UGT1A6: variants seen among roughly 807,000 people sequenced by gnomAD.
UGT1A6 encodes UDP-glucuronosyltransferase 1A6.
A neutral mutation model predicts 44.4 loss-of-function variants in UGT1A6; 32 were observed. That is an observed-to-expected ratio of 0.72 (90% CI 0.54 to 0.97). UGT1A6 has a LOEUF of 0.97. Among genes scored for constraint, UGT1A6 ranks in the 50% least tolerant of loss-of-function variants. UGT1A6 has a pLI of 0.00. For missense variants in UGT1A6, 685 were observed against 661.9 expected (o/e 1.03, Z -0.38); for synonymous variants, 238 against 248.5 (o/e 0.96, Z 0.40).
intron 1 of UGT1A6, among the ~76,000 whole-genome samples, chr2:233,699,210 G>GA (rs1003409179): frequency 4.1e-4 from 61 of 150,002 alleles, no homozygotes; most frequent in Admixed American, 1.4e-3. Flanking sequence ...GCTGTTGCAT[G>GA]AAAAAAAAAC....
chr2:233,710,344 G>A (rs1349376826), intron 1 of UGT1A6, among the ~76,000 whole-genome samples: 2 of 152,226 alleles, frequency 1.3e-5, no homozygotes, highest in African/African-American at 2.4e-5. Context: ...CAGTCGAACT[G>A]TTTCCAAAGC....
intron 1 of UGT1A6, chr2:233,755,273 G>GGA: frequency 1.3e-6 from 1 of 755,874 alleles, no homozygotes. Flanking sequence ...CCACTATGCT[G>GGA]GACTGCCAAA....
At chr2:233,752,965 A>C (rs1252890509) in intron 1 of UGT1A6, among the ~76,000 whole-genome samples, 1 of 152,202 alleles carries the variant, frequency 6.6e-6, no homozygotes, top group East Asian at 1.9e-4. Flanking sequence ...GATTTATGTA[A>C]CCAATTGTGT....
intron 1 of UGT1A6, chr2:233,754,615 C>T (rs1360410521): frequency 2.3e-6 from 1 of 438,040 alleles, no homozygotes; most frequent in Non-Finnish European, 4.6e-6. Context: ...TCTCCATCTT[C>T]CTCCACTTCC....
At chr2:233,697,038 T>C (rs772110742) in intron 1 of UGT1A6, among the ~76,000 whole-genome samples, 44 of 151,092 alleles carry the variant, frequency 2.9e-4, no homozygotes, top group Non-Finnish European at 6.2e-4. Context: ...CGCAGTTTTC[T>C]TTTTTTTTGT....
intron 1 of UGT1A6, chr2:233,760,696 A>G (rs1165584842): frequency 6.2e-7 from 1 of 1,614,168 alleles, no homozygotes; most frequent in South Asian, 1.1e-5. Context: ...CAAGGAGCTC[A>G]TGGCCTCCCT....
Position 233,743,942 on chromosome 2 carries a change from G to A in UGT1A6, c.862-23092G>A, listed in dbSNP as rs1297528257. On this transcript the variant is annotated intron_variant, in intron 1 of 4. Coordinates refer to ENST00000305139, the MANE Select transcript of UGT1A6 (RefSeq NM_001072.4). ...GCTGGATGGCCAGAACGGCCCACCA[G>A]GCACTGGCACAGCGAGCGGCAAGGC... 3 of 1,352,602 alleles carry A rather than the reference G, an allele frequency of 2.2e-6. No individual in the cohort carries two copies. The African/African-American group carries it at 4.5e-5, about 20-fold the overall frequency. The allele number at this position is 1,352,602 out of a possible 1,614,324, so 83.8% of individuals were successfully genotyped here.
intron 1 of UGT1A6, among the ~76,000 whole-genome samples, chr2:233,750,971 T>TG (rs1694602658): frequency 6.6e-6 from 1 of 151,624 alleles, no homozygotes; most frequent in South Asian, 2.1e-4. Flanking sequence ...CACTGCCTAG[T>TG]GGAGTTGTGA....
chr2:233,718,719 G>A, intron 1 of UGT1A6: 6 of 1,609,316 alleles, frequency 3.7e-6, no homozygotes, highest in Non-Finnish European at 5.1e-6. Context: ...ATTACATGCT[G>A]ATTTGCTAGG....
At position 233,744,394 on chromosome 2, in the gene UGT1A6, G is replaced by A. The variant is rs528448877; in HGVS notation, c.862-22640G>A. On this transcript the variant is annotated intron_variant, in intron 1 of 4. Coordinates refer to ENST00000305139, the MANE Select transcript of UGT1A6 (RefSeq NM_001072.4). ...TGCAGTTCTCCAACGTTCCAGCCCC[G>A]GTGCCCATTTGCTTTTGTTCATGTG... is the stretch of plus-strand genomic sequence containing the variant. 5.9e-5 allele frequency among the ~76,000 whole-genome samples: 9 copies of A among 151,928 alleles called. No homozygotes were observed. The South Asian group carries it at 6.2e-4, about 11-fold the overall frequency.
chr2:233,719,279 C>T lies in UGT1A6; in HGVS notation c.861+25414C>T, dbSNP rs371816622. On this transcript the variant is annotated intron_variant, in intron 1 of 4. Transcript: ENST00000305139. ...CCTTTGATGTGGTTTTAACAGACCCCGTTAACCTCTGTGGGGCGGTGCTGG... is the reference window on the plus strand; with the variant it reads ...CCTTTGATGTGGTTTTAACAGACCCTGTTAACCTCTGTGGGGCGGTGCTGG... 6.4e-5 allele frequency: 103 copies of T among 1,614,078 alleles called. 1 individual carries two copies. In the African/African-American group the frequency reaches 1.0e-3, roughly 16 times the overall value.
In UGT1A6 at chr2:233,769,673, G is replaced by A; in HGVS notation, c.1301+1234G>A. 1.3e-6 allele frequency: 2 copies of A among 1,580,578 alleles called. No individual in the cohort carries two copies. The highest frequency in any genetic ancestry group is 1.1e-5 in the South Asian group (1 of 86,980). On this transcript the variant is annotated intron_variant, in intron 4 of 4. Transcript: ENST00000305139. The surrounding 1 kb of genome is among the most constrained non-coding windows in gnomAD (Gnocchi z 4.4). ...GACTTCCCACCTTTGAGGTGCTAAT[G>A]TGTGTGTGGTGGCACTGGATAAAAG...
chr2:233,755,186 G>T, intron 1 of UGT1A6: 2 of 1,186,224 alleles, frequency 1.7e-6, no homozygotes, highest in Non-Finnish European at 2.3e-6. Flanking sequence ...GGTGCCACTT[G>T]AGCGCCAGCT....
intron 1 of UGT1A6, among the ~76,000 whole-genome samples, chr2:233,745,694 GAAC>G (rs1198123453): frequency 1.3e-5 from 2 of 150,076 alleles, no homozygotes; most frequent in African/African-American, 2.5e-5. Flanking sequence ...CAAGTTTGGA[GAAC>G]AACAAGTGAT....
At chr2:233,747,222 A>G (rs2125883623) in intron 1 of UGT1A6, 4 of 1,605,292 alleles carry the variant, frequency 2.5e-6, no homozygotes, top group Middle Eastern at 4.1e-4. Flanking sequence ...AGATGGCCAC[A>G]GGACCCCAGG....
intron 1 of UGT1A6, among the ~76,000 whole-genome samples, chr2:233,709,212 T>C (rs1269749554): frequency 6.6e-6 from 1 of 152,132 alleles, no homozygotes; most frequent in Admixed American, 6.5e-5. Context: ...AGAAGTACAT[T>C]TGAGAGTTTG....
rs150934066 is a variant in UGT1A6 at position 233,719,055 on chromosome 2, G to A, written c.861+25190G>A. On this transcript the variant is annotated intron_variant, in intron 1 of 4. Coordinates refer to ENST00000305139, the MANE Select transcript of UGT1A6 (RefSeq NM_001072.4). ...AGAAGAGAAATTTTTCACCCTGACA[G>A]CCTATGCTGTTCCATGGACCCAGAA... 2,523 of 1,614,284 alleles carry A rather than the reference G, an allele frequency of 1.6e-3. 2 individuals carry two copies. Among genetic ancestry groups the A allele is most frequent in the Non-Finnish European group, 1.9e-3 (2,220 of 1,180,048 alleles).
rs116067611 is a variant in UGT1A6 at position 233,693,093 on chromosome 2, T to G, written c.89T>G (p.Leu30Arg). The G allele has an allele frequency of 3.1e-6, 5 of 1,614,220 alleles. No homozygotes were observed. The East Asian group carries it at 1.1e-4, about 36-fold the overall frequency. ...GGCATGGTTGTAGGTGACAAGCTGCTGGTGGTCCCTCAGGACGGAAGCCAC... is the reference window on the plus strand; with the variant it reads ...GGCATGGTTGTAGGTGACAAGCTGCGGGTGGTCCCTCAGGACGGAAGCCAC... ...LWGMVVGDKL[L>R]VVPQDGSHWL... Residue 30 changes from leucine (L) to arginine (R), a missense_variant, in exon 1 of 5, where the codon CTG becomes CGG. Coordinates refer to ENST00000305139, the MANE Select transcript of UGT1A6 (RefSeq NM_001072.4).
chr2:233,734,084 C>T (rs112644087), intron 1 of UGT1A6, among the ~76,000 whole-genome samples: 1 of 151,970 alleles, frequency 6.6e-6, no homozygotes. Flanking sequence ...TGTGCACATG[C>T]ACCCTAAAAC....
Sources: allele counts gnomAD v4.1 joint callset (sites outside exome capture counted in the v4.1 genomes callset), GRCh38; gene constraint gnomAD v4.1.1; non-coding constraint Gnocchi (gnomAD v3.1); transcripts MANE v1.5; gene names NCBI Gene and HGNC (gene_info 2026-07-23, HGNC 2026-07-21).